Variants in ULK4 observed in about 807,000 individuals in gnomAD.
ULK4 encodes inactive serine/threonine-protein kinase ULK4.
Under a neutral mutation model 160.6 loss-of-function variants are expected in ULK4, and 133 were observed. The observed-to-expected ratio is 0.83, with a 90% CI of 0.72 to 0.96. The LOEUF is 0.96. Ranked by LOEUF, ULK4 falls within the 40% of genes least tolerant of loss-of-function variation. The pLI, the probability that ULK4 is intolerant of heterozygous loss-of-function variation, is 0.00. For synonymous variants in ULK4, 534 were observed against 539.8 expected (o/e 0.99, Z 0.15); for missense variants, 1,580 against 1,499.5 (o/e 1.05, Z -0.89).
At chr3:41,517,294 T>C (rs2085783428) in intron 32 of ULK4, among the ~76,000 whole-genome samples, 1 of 152,186 alleles carries the variant, frequency 6.6e-6, no homozygotes, top group African/African-American at 2.4e-5. Context: ...ACAATTCATA[T>C]ATTAGAACCT....
At chr3:41,486,134 T>C (rs1300280434) in intron 32 of ULK4, among the ~76,000 whole-genome samples, 1 of 152,104 alleles carries the variant, frequency 6.6e-6, no homozygotes, top group Non-Finnish European at 1.5e-5. Context: ...TGCACGTATC[T>C]CATGAATATC....
chr3:41,837,058 A>C (rs774094487), intron 17 of ULK4, among the ~76,000 whole-genome samples: 12 of 152,200 alleles, frequency 7.9e-5, no homozygotes, highest in Non-Finnish European at 1.5e-4. Flanking sequence ...TTAAAAACTG[A>C]AAGTGCTTAA....
At chr3:41,565,127 C>T (rs752403829) in intron 32 of ULK4, among the ~76,000 whole-genome samples, 4 of 152,164 alleles carry the variant, frequency 2.6e-5, no homozygotes, top group Admixed American at 1.3e-4. Flanking sequence ...TAGTAGGCTA[C>T]GCCATCTAGA....
intron 27 of ULK4, among the ~76,000 whole-genome samples, chr3:41,701,336 C>T (rs931266657): frequency 5.9e-5 from 9 of 152,126 alleles, no homozygotes; most frequent in Admixed American, 3.9e-4. Flanking sequence ...TTTAGAAGGA[C>T]CCAAGGGACA....
At chr3:41,338,115 C>A (rs1197775028) in intron 35 of ULK4, among the ~76,000 whole-genome samples, 5 of 152,312 alleles carry the variant, frequency 3.3e-5, no homozygotes, top group South Asian at 2.1e-4. Context: ...TTCAGAGAGA[C>A]AACTTGTTTG....
At chr3:41,397,172 A>C (rs1310708577) in intron 35 of ULK4, among the ~76,000 whole-genome samples, 1 of 152,154 alleles carries the variant, frequency 6.6e-6, no homozygotes, top group Non-Finnish European at 1.5e-5. Context: ...TAGCTACTGT[A>C]AATAGTGGCC....
intron 32 of ULK4, among the ~76,000 whole-genome samples, chr3:41,537,244 C>G (rs1445206274): frequency 1.4e-5 from 2 of 140,358 alleles, no homozygotes; most frequent in Non-Finnish European, 3.1e-5. Context: ...GATTGCTCTG[C>G]TGTAAATCCC....
chr3:41,688,874 T>C (rs1375116327), intron 27 of ULK4, among the ~76,000 whole-genome samples: 1 of 152,210 alleles, frequency 6.6e-6, no homozygotes, highest in African/African-American at 2.4e-5. Context: ...CCAGACTATA[T>C]AAGACAATAG....
At chr3:41,616,523 C>T (rs2032972762) in intron 30 of ULK4, among the ~76,000 whole-genome samples, 2 of 152,284 alleles carry the variant, frequency 1.3e-5, no homozygotes, top group South Asian at 2.1e-4. Flanking sequence ...CGTCGTCTCA[C>T]CAGGGAAGTG....
intron 34 of ULK4, among the ~76,000 whole-genome samples, chr3:41,450,049 T>A (rs1407728934): frequency 6.6e-6 from 1 of 151,882 alleles, no homozygotes; most frequent in East Asian, 1.9e-4. Flanking sequence ...AGAATATTTT[T>A]AAAATAATAC....
At chr3:41,444,247 G>A (rs1157502919) in intron 34 of ULK4, among the ~76,000 whole-genome samples, 1 of 151,730 alleles carries the variant, frequency 6.6e-6, no homozygotes, top group Admixed American at 6.6e-5. Flanking sequence ...ATGAACTTAT[G>A]TGTTTGGTGA....
At position 41,466,278 on chromosome 3, in the gene ULK4, T is replaced by C. The variant is rs920102769; in HGVS notation, c.3227-3025A>G. Among the ~76,000 whole-genome samples, 6 of 152,316 alleles carry C rather than the reference T, an allele frequency of 3.9e-5. No individual in the cohort carries two copies. The South Asian group carries it at 6.2e-4, about 16-fold the overall frequency. ...ATGGTCTGAGCATTCGGGGTGTTCA[T>C]TGCTACTGAGTCACTGATTCAGTAA... is the stretch of plus-strand genomic sequence containing the variant. On this transcript the variant is annotated intron_variant, in intron 32 of 36. Transcript: ENST00000301831.
At chr3:41,320,515 C>A (rs1257786379) in intron 35 of ULK4, among the ~76,000 whole-genome samples, 1 of 152,194 alleles carries the variant, frequency 6.6e-6, no homozygotes, top group East Asian at 1.9e-4. Context: ...GGCCCCAGAA[C>A]CTAGGCTGGC....
intron 17 of ULK4, among the ~76,000 whole-genome samples, chr3:41,863,144 G>C (rs1475665909): frequency 6.6e-6 from 1 of 152,146 alleles, no homozygotes; most frequent in Non-Finnish European, 1.5e-5. Context: ...ATGTAGTGCA[G>C]CTGAACTGGT....
At chr3:41,374,004 A>G (rs2081425866) in intron 35 of ULK4, among the ~76,000 whole-genome samples, 1 of 152,220 alleles carries the variant, frequency 6.6e-6, no homozygotes, top group African/African-American at 2.4e-5. Flanking sequence ...GAATACTATA[A>G]ACACCTCTAC....
At chr3:41,785,363 C>T (rs1298214528) in intron 21 of ULK4, among the ~76,000 whole-genome samples, 1 of 152,124 alleles carries the variant, frequency 6.6e-6, no homozygotes, top group Non-Finnish European at 1.5e-5. Context: ...GCATAAAATG[C>T]ATAGACGCAG....
chr3:41,645,335 T>C lies in ULK4; in HGVS notation c.3071+18272A>G, dbSNP rs546260683. 7.2e-5 allele frequency among the ~76,000 whole-genome samples: 11 copies of C among 152,236 alleles called. No individual in the cohort carries two copies. In the South Asian group the frequency reaches 2.3e-3, roughly 32 times the overall value. ...GCTTTCTCTTGTGGGCATTTATTAC[T>C]ATAAATTTCCCTCTACACACTGCTT... On this transcript the variant is annotated intron_variant, in intron 30 of 36. Transcript: ENST00000301831.
intron 2 of ULK4, 55 bp downstream of exon 2, chr3:41,954,567 T>TTC: frequency 5.8e-6 from 9 of 1,563,768 alleles, no homozygotes; most frequent in Non-Finnish European, 7.8e-6. Flanking sequence ...TGCTACCCCC[T>TTC]TCTACCTATT....
chr3:41,844,289 G>A (rs966960632), intron 17 of ULK4, among the ~76,000 whole-genome samples: 1 of 152,162 alleles, frequency 6.6e-6, no homozygotes, highest in Admixed American at 6.5e-5. Flanking sequence ...AGGCATGGTG[G>A]GCTGCAGGTC....
Sources: allele counts gnomAD v4.1 joint callset (sites outside exome capture counted in the v4.1 genomes callset), GRCh38; gene constraint gnomAD v4.1.1; transcripts MANE v1.5; gene names NCBI Gene and HGNC (gene_info 2026-07-23, HGNC 2026-07-21).